The following C1QTNF3 variants were observed in gnomAD, a reference collection of about 807,000 sequenced individuals.
C1QTNF3 encodes the protein C1q and TNF related 3, also known as complement C1q tumor necrosis factor-related protein 3.
C1QTNF3 carries 26 observed loss-of-function variants against 32.6 expected under a neutral mutation model. That is an observed-to-expected ratio of 0.80 (90% CI 0.58 to 1.11). C1QTNF3 has a LOEUF of 1.11. Among genes scored for constraint, C1QTNF3 ranks in the 50% least tolerant of loss-of-function variants. C1QTNF3 has a pLI of 0.00. For missense variants in C1QTNF3, 362 were observed against 398.2 expected, an observed-to-expected ratio of 0.91 and a Z score of 0.77; for synonymous variants, 155 against 146.0, an observed-to-expected ratio of 1.06 and a Z score of -0.44.
the C1QTNF3 span, among the ~76,000 whole-genome samples, chr5:34,122,702 G>A: frequency 6.6e-6 from 1 of 152,118 alleles, no homozygotes; most frequent in Non-Finnish European, 1.5e-5. Context: ...GAGAACAAGT[G>A]TGGGCCAACC....
chr5:34,112,497 C>CAA, the C1QTNF3 span, among the ~76,000 whole-genome samples: 2 of 132,820 alleles, frequency 1.5e-5, no homozygotes, highest in Non-Finnish European at 1.6e-5. Flanking sequence ...CCATCTCTAC[C>CAA]AAAAAAAAAA....
At chr5:34,198,165 C>A in the C1QTNF3 span, among the ~76,000 whole-genome samples, 1 of 144,674 alleles carries the variant, frequency 6.9e-6, no homozygotes, top group South Asian at 2.2e-4. Context: ...ACAGTTGAAC[C>A]CAGGAGGCAG....
At chr5:34,229,239 A>G in the C1QTNF3 span, among the ~76,000 whole-genome samples, 3 of 151,988 alleles carry the variant, frequency 2.0e-5, no homozygotes, top group African/African-American at 7.2e-5. Flanking sequence ...TCACATTTAC[A>G]TATCATAAAA....
At chr5:34,049,236 G>A in the C1QTNF3 span, among the ~76,000 whole-genome samples, 3 of 152,160 alleles carry the variant, frequency 2.0e-5, no homozygotes, top group Non-Finnish European at 4.4e-5. Flanking sequence ...CCCTGGCAAA[G>A]GTATCAGTTT....
At chr5:34,200,600 C>A in the C1QTNF3 span, 1 of 152,054 alleles carries the variant, frequency 6.6e-6, no homozygotes, top group Admixed American at 6.6e-5. Context: ...TTTTCAATAC[C>A]ATAATCATTA....
chr5:34,020,571 C>A lies in C1QTNF3; in HGVS notation c.*12G>T. ...AAGTCTTCCCCAAAGTGGAGCTATT[C>A]TAGTCATATATTTACTTAGTTTCAA... On this transcript the variant is annotated 3_prime_UTR_variant, in exon 6 of 6. Transcript: ENST00000382065. 6.2e-7 allele frequency: 1 copy of A among 1,612,914 alleles called. No homozygotes were observed.
At chr5:34,159,312 A>G in the C1QTNF3 span, among the ~76,000 whole-genome samples, 1 of 152,068 alleles carries the variant, frequency 6.6e-6, no homozygotes, top group African/African-American at 2.4e-5. Context: ...GAGGAATGAG[A>G]GATGTTTTTT....
chr5:34,035,008 T>G (rs10521013), intron 2 of C1QTNF3, among the ~76,000 whole-genome samples: 4,408 of 152,218 alleles, frequency 0.029, 70 homozygotes, highest in Middle Eastern at 0.099. Context: ...GGGATTAACC[T>G]GAGGATGAAG....
At chr5:34,201,055 T>C in the C1QTNF3 span, 6 of 152,228 alleles carry the variant, frequency 3.9e-5, no homozygotes, top group African/African-American at 1.4e-4. Context: ...AAAACTCTTC[T>C]ATGTGGTGAT....
chr5:34,174,879 C>G, the C1QTNF3 span, among the ~76,000 whole-genome samples: 10 of 151,828 alleles, frequency 6.6e-5, no homozygotes, highest in African/African-American at 2.4e-4. Flanking sequence ...GCTGGGACTA[C>G]AGGGACTACA....
At chr5:34,035,516 T>C in intron 2 of C1QTNF3, 131 bp downstream of exon 2, 1 of 714,392 alleles carries the variant, frequency 1.4e-6, no homozygotes, top group Non-Finnish European at 2.4e-6. Flanking sequence ...AACCTGGTAT[T>C]CCAGGGTGCC....
At chr5:34,225,767 A>G in the C1QTNF3 span, among the ~76,000 whole-genome samples, 8 of 151,452 alleles carry the variant, frequency 5.3e-5, no homozygotes, top group Admixed American at 5.3e-4. Flanking sequence ...ATCACATTAT[A>G]CCCTATCTTT....
chr5:34,207,166 C>T, the C1QTNF3 span, among the ~76,000 whole-genome samples: 2 of 151,778 alleles, frequency 1.3e-5, no homozygotes, highest in East Asian at 3.9e-4. Context: ...GATGGGTAGT[C>T]GGTGGAAGAA....
the C1QTNF3 span, among the ~76,000 whole-genome samples, chr5:34,061,792 C>T: frequency 3.3e-5 from 5 of 152,316 alleles, no homozygotes; most frequent in South Asian, 1.0e-3. Context: ...GGCCTCTGAG[C>T]CTGTGATGGG....
At chr5:34,052,757 G>T in the C1QTNF3 span, among the ~76,000 whole-genome samples, 199 of 152,292 alleles carry the variant, frequency 1.3e-3, 2 homozygotes, top group African/African-American at 4.6e-3. Context: ...ATTGGAGAAG[G>T]GGGCAGAGTT....
At chr5:34,209,137 T>C in the C1QTNF3 span, among the ~76,000 whole-genome samples, 2 of 152,186 alleles carry the variant, frequency 1.3e-5, no homozygotes, top group African/African-American at 4.8e-5. Flanking sequence ...TAGGGAGATA[T>C]TACACCTTGA....
At chr5:34,236,787 G>A in the C1QTNF3 span, among the ~76,000 whole-genome samples, 1 of 151,672 alleles carries the variant, frequency 6.6e-6, no homozygotes, top group East Asian at 1.9e-4. Context: ...TGTTGGCCAG[G>A]ATGGTCTTGA....
the C1QTNF3 span, among the ~76,000 whole-genome samples, chr5:34,233,642 C>CA: frequency 6.6e-6 from 1 of 152,076 alleles, no homozygotes; most frequent in Non-Finnish European, 1.5e-5. Flanking sequence ...ATAATACTTG[C>CA]AAAGCCCCTT....
chr5:34,147,881 G>A, the C1QTNF3 span, among the ~76,000 whole-genome samples: 23 of 152,136 alleles, frequency 1.5e-4, no homozygotes, highest in African/African-American at 4.1e-4. Context: ...GAACAGCTCC[G>A]GTCTACAGCT....
Sources: gnomAD v4.1 joint callset for allele counts (sites outside exome capture counted in the v4.1 genomes callset) on GRCh38, gnomAD v4.1.1 for gene constraint, MANE v1.5 for transcripts, NCBI Gene and HGNC (gene_info 2026-07-23, HGNC 2026-07-21) for gene names.